The following CBLB variants were observed in gnomAD, a reference collection of about 807,000 sequenced individuals.
CBLB encodes E3 ubiquitin-protein ligase CBL-B.
CBLB carries 31 observed loss-of-function variants against 104.9 expected under a neutral mutation model. The ratio of observed to expected loss-of-function variants is 0.30; its 90% CI spans 0.22 to 0.40. The LOEUF is 0.40. Among genes scored for constraint, CBLB ranks in the 10% least tolerant of loss-of-function variants. The pLI, the probability that CBLB is intolerant of heterozygous loss-of-function variation, is 1.00. For missense variants in CBLB, 1,062 were observed against 1,214.6 expected (o/e 0.87, Z 1.87); for synonymous variants, 440 against 422.6 (o/e 1.04, Z -0.51).
chr3:105,665,116 T>C (rs2064226478), intron 18 of CBLB, among the ~76,000 whole-genome samples: 1 of 152,092 alleles, frequency 6.6e-6, no homozygotes, highest in Non-Finnish European at 1.5e-5. Context: ...ATAGTATCTA[T>C]TTCAGGCCAG....
rs906285597 is a variant in CBLB at position 105,856,624 on chromosome 3, T to A, written c.169-2960A>T. On this transcript the variant is annotated intron_variant, in intron 2 of 18. Coordinates refer to ENST00000394030, the MANE Select transcript of CBLB (RefSeq NM_170662.5). ...TCACAAATAGTTTGATTGTATTATT[T>A]CCTTTATTTTTACAATTGAACTCTA... Among the ~76,000 whole-genome samples, 5 of 152,184 alleles carry A rather than the reference T, an allele frequency of 3.3e-5. No individual in the cohort carries two copies. The South Asian group carries it at 1.0e-3, about 31-fold the overall frequency.
intron 3 of CBLB, among the ~76,000 whole-genome samples, chr3:105,833,472 C>CT (rs1414420927): frequency 6.6e-6 from 1 of 152,030 alleles, no homozygotes; most frequent in Non-Finnish European, 1.5e-5. Context: ...AAACTAGGAA[C>CT]TTTTACTTTT....
intron 4 of CBLB, among the ~76,000 whole-genome samples, chr3:105,755,177 C>T (rs560151253): frequency 6.6e-6 from 1 of 152,130 alleles, no homozygotes; most frequent in African/African-American, 2.4e-5. Flanking sequence ...ATCTCTCCCC[C>T]CTCCCCTGAC....
Position 105,769,357 on chromosome 3 carries a change from C to T in CBLB, c.566+7039G>A, listed in dbSNP as rs115289697. On this transcript the variant is annotated intron_variant, in intron 4 of 18. Transcript: ENST00000394030. Reference sequence around the variant, plus strand: ...ATTATTGCCTAAACATTCCAGGAAACGTGTCAGGCTCAAAAACACAAAAAT... The same window carrying T: ...ATTATTGCCTAAACATTCCAGGAAATGTGTCAGGCTCAAAAACACAAAAAT... 1.0e-3 allele frequency among the ~76,000 whole-genome samples: 159 copies of T among 152,104 alleles called. 3 individuals carry two copies. Among genetic ancestry groups the T allele is most frequent in the African/African-American group, 3.2e-3 (133 of 41,496 alleles).
chr3:105,781,083 G>A (rs1325880230), intron 3 of CBLB, among the ~76,000 whole-genome samples: 2 of 152,004 alleles, frequency 1.3e-5, no homozygotes, highest in Non-Finnish European at 2.9e-5. Context: ...AAAGAAGGAG[G>A]GAGGAATAAA....
intron 11 of CBLB, among the ~76,000 whole-genome samples, chr3:105,703,101 A>G (rs1220791537): frequency 6.6e-6 from 1 of 151,858 alleles, no homozygotes; most frequent in Non-Finnish European, 1.5e-5. Flanking sequence ...TAGAAATATA[A>G]AGGTATAGAT....
At chr3:105,712,828 T>G (rs919695034) in intron 10 of CBLB, among the ~76,000 whole-genome samples, 1 of 152,190 alleles carries the variant, frequency 6.6e-6, no homozygotes, top group African/African-American at 2.4e-5. Flanking sequence ...AACCAATTGC[T>G]TGGTAACCAA....
At chr3:105,856,469 A>C (rs955430217) in intron 2 of CBLB, among the ~76,000 whole-genome samples, 1 of 152,078 alleles carries the variant, frequency 6.6e-6, no homozygotes, top group Non-Finnish European at 1.5e-5. Context: ...TCAGCCTCTA[A>C]TTTAAGATGT....
intron 3 of CBLB, among the ~76,000 whole-genome samples, chr3:105,835,463 A>G (rs1255498312): frequency 6.6e-6 from 1 of 152,226 alleles, no homozygotes; most frequent in African/African-American, 2.4e-5. Flanking sequence ...TCTTTAATTC[A>G]ACCAACTTGA....
In CBLB at chr3:105,720,090, C is replaced by T. The variant is rs201419253; in HGVS notation, c.1364G>A (p.Arg455His). The change falls in exon 10 of 19, where the codon CGT becomes CAT. Residue 455 changes from arginine to histidine, a missense_variant. By Grantham distance (29) the Arg-to-His change is conservative. Around this residue, in one of 2 missense-constraint regions of CBLB, gnomAD observed 457 missense variants for 632.0 expected, o/e 0.72. Coordinates refer to ENST00000394030, the MANE Select transcript of CBLB (RefSeq NM_170662.5). ...PMLDLDDDDD[R>H]EESLMMNRLA... ...CCGATTCATCATCAAGGACTCCTCA[C>T]GATCATCATCGTCGTCCAAGTCTAG... The T allele has an allele frequency of 2.0e-5, 32 of 1,613,990 alleles. No individual in the cohort carries two copies. The highest frequency in any genetic ancestry group is 6.7e-5 in the East Asian group (3 of 44,882).
Position 105,846,064 on chromosome 3 carries a change from T to C in CBLB, c.419+7350A>G, listed in dbSNP as rs149516421. 9.3e-4 allele frequency among the ~76,000 whole-genome samples: 142 copies of C among 152,168 alleles called. 4 individuals carry two copies. The East Asian group carries it at 0.024, about 26-fold the overall frequency. On this transcript the variant is annotated intron_variant, in intron 3 of 18. Transcript: ENST00000394030. Reference sequence around the variant, plus strand: ...AAAATTCATATTTTCATTCCTCTAGTTTCCCATTTAAAAGGAAAAAATGCC... The same window carrying C: ...AAAATTCATATTTTCATTCCTCTAGCTTCCCATTTAAAAGGAAAAAATGCC...
At chr3:105,696,969 C>A (rs1006568988) in intron 12 of CBLB, among the ~76,000 whole-genome samples, 1 of 151,902 alleles carries the variant, frequency 6.6e-6, no homozygotes, top group African/African-American at 2.4e-5. Flanking sequence ...TAGCCAGTGA[C>A]CCTCTTGCAT....
chr3:105,678,662 C>T, intron 16 of CBLB, 91 bp from the exon 17 acceptor site: 1 of 1,376,392 alleles, frequency 7.3e-7, no homozygotes, highest in Non-Finnish European at 1.0e-6. Context: ...TTTTCTCTTG[C>T]TGCTTATAAA....
intron 3 of CBLB, among the ~76,000 whole-genome samples, chr3:105,780,920 A>G (rs2080186272): frequency 6.6e-6 from 1 of 152,062 alleles, no homozygotes; most frequent in Admixed American, 6.5e-5. Context: ...TCGGCCTCCC[A>G]AAGTACTGGG....
At chr3:105,712,722 G>C (rs1433369156) in intron 10 of CBLB, among the ~76,000 whole-genome samples, 2 of 152,142 alleles carry the variant, frequency 1.3e-5, no homozygotes, top group Non-Finnish European at 2.9e-5. Flanking sequence ...CATTTTCTGA[G>C]TTTCAAACTT....
At chr3:105,774,975 C>G (rs1389236801) in intron 4 of CBLB, among the ~76,000 whole-genome samples, 1 of 152,036 alleles carries the variant, frequency 6.6e-6, no homozygotes, top group East Asian at 1.9e-4. Context: ...GGAAACAAAC[C>G]CTCTCAGTTC....
chr3:105,722,198 CAAAAAAAAA>C (rs5851468), intron 9 of CBLB, among the ~76,000 whole-genome samples: 1 of 84,420 alleles, frequency 1.2e-5, no homozygotes, highest in Non-Finnish European at 2.2e-5. Flanking sequence ...GACCCCGTGC[CAAAAAAAAA>C]AAAAAAAAAA....
intron 9 of CBLB, among the ~76,000 whole-genome samples, chr3:105,722,350 T>C (rs2073007457): frequency 1.3e-5 from 2 of 151,862 alleles, no homozygotes; most frequent in African/African-American, 2.4e-5. Context: ...TTATAGAAAA[T>C]CTCAGATACA....
intron 10 of CBLB, among the ~76,000 whole-genome samples, chr3:105,708,634 T>C (rs2070587415): frequency 6.6e-6 from 1 of 151,986 alleles, no homozygotes; most frequent in Admixed American, 6.6e-5. Context: ...TATATTCAAA[T>C]TGCTTATATT....
Sources: gnomAD v4.1 joint callset for allele counts (sites outside exome capture counted in the v4.1 genomes callset) on GRCh38, gnomAD v4.1.1 for gene constraint, gnomAD v4.1.1 regional missense constraint, MANE v1.5 for transcripts, NCBI Gene and HGNC (gene_info 2026-07-23, HGNC 2026-07-21) for gene names.